JAKMIP1: variants seen among roughly 807,000 people sequenced by gnomAD.
JAKMIP1 encodes janus kinase and microtubule-interacting protein 1.
JAKMIP1 carries 33 observed loss-of-function variants against 113.0 expected under a neutral mutation model. The observed-to-expected ratio is 0.29, with a 90% confidence interval of 0.22 to 0.39. The LOEUF (loss-of-function observed/expected upper bound fraction) is 0.39. Ranked by LOEUF, JAKMIP1 falls within the 10% of genes least tolerant of loss-of-function variation. The pLI is 1.00. For synonymous variants in JAKMIP1, 480 were observed against 459.9 expected (o/e 1.04, Z -0.56); for missense variants, 813 against 1,080.5 (o/e 0.75, Z 3.47).
rs2108766778 is a variant in JAKMIP1, at chr4:6,049,985, T to C, written c.1909-113A>G. On this transcript the variant is annotated intron_variant, in intron 14 of 20. Coordinates refer to ENST00000409021, the MANE Select transcript of JAKMIP1 (RefSeq NM_001099433.2). This position sits in a 1 kb window ranked among gnomAD's most constrained non-coding sequence, Gnocchi z 7.0. Reference sequence around the variant, plus strand: ...AGACACCGCGCTCTTTCTTTTCTTTTCTGGCCAAGTTTTGCGCCCAGCCGT... The same window carrying C: ...AGACACCGCGCTCTTTCTTTTCTTTCCTGGCCAAGTTTTGCGCCCAGCCGT... The C allele has an allele frequency of 1.4e-6, 1 of 739,818 alleles. No homozygotes were observed. The highest frequency in any genetic ancestry group is 2.3e-6 in the Non-Finnish European group (1 of 435,254). 45.8% of individuals were successfully genotyped at this position (739,818 alleles called of 1,614,324 possible).
chr4:6,036,081 C>T lies in JAKMIP1; in HGVS notation c.2202G>A (p.Leu734=), dbSNP rs368324286. ...YLKIQDLEAT[L]YTALQQEPGR... The stretch of plus-strand genomic sequence containing the variant: ...CCGGCTCCTGCTGCAGCGCTGTGTA[C>T]AGTGTGGCCTCCAGGTCTTGGATTT... The change falls in exon 19 of 21, where the codon CTG becomes CTA. Residue 734 remains leucine, a synonymous_variant. Transcript: ENST00000409021. 4 of 1,556,726 alleles carry T rather than the reference C, an allele frequency of 2.6e-6. No individual in the cohort carries two copies. The highest frequency in any genetic ancestry group is 1.9e-5 in the Admixed American group (1 of 51,600).
intron 1 of JAKMIP1, among the ~76,000 whole-genome samples, chr4:6,115,117 T>TA (rs545000820): frequency 1.3e-5 from 2 of 151,834 alleles, no homozygotes; most frequent in South Asian, 2.1e-4. Context: ...AAAGGTGAAA[T>TA]AAAAAAACAG....
intron 1 of JAKMIP1, among the ~76,000 whole-genome samples, chr4:6,170,340 C>CTA (rs1724316158): frequency 9.9e-6 from 1 of 101,378 alleles, no homozygotes; most frequent in African/African-American, 3.9e-5. Flanking sequence ...ACTCTCCCCA[C>CTA]CCTTCTCACC....
Position 6,042,524 on chromosome 4 carries a change from A to G in JAKMIP1, c.2029-297T>C, listed in dbSNP as rs1714464862. On this transcript the variant is annotated intron_variant, in intron 16 of 20. Coordinates refer to ENST00000409021, the MANE Select transcript of JAKMIP1 (RefSeq NM_001099433.2). This position sits in a 1 kb window ranked among gnomAD's most constrained non-coding sequence, Gnocchi z 5.2. ...CGGCTGCGAGTGTGTGCAGCAGAGGAAGTGGTGTGGTATAGCTGATGTCAA... is the reference window on the plus strand; with the variant it reads ...CGGCTGCGAGTGTGTGCAGCAGAGGGAGTGGTGTGGTATAGCTGATGTCAA... Among the ~76,000 whole-genome samples, 1 of 151,942 alleles carries G rather than the reference A, an allele frequency of 6.6e-6. No homozygotes were observed. The highest frequency in any genetic ancestry group is 6.6e-5 in the Admixed American group (1 of 15,266).
At chr4:6,125,868 G>A (rs150538997) in intron 1 of JAKMIP1, among the ~76,000 whole-genome samples, 20,592 of 23,046 alleles carry the variant, frequency 0.89, 9,709 homozygotes, top group East Asian at 0.95. Flanking sequence ...AGAAACTCGC[G>A]CCATACACTC....
intron 1 of JAKMIP1, among the ~76,000 whole-genome samples, chr4:6,190,299 CTCTA>C (rs1415967311): frequency 6.6e-6 from 1 of 152,176 alleles, no homozygotes; most frequent in Non-Finnish European, 1.5e-5. Context: ...ATTAACATAT[CTCTA>C]TCTAACATAG....
intron 1 of JAKMIP1, among the ~76,000 whole-genome samples, chr4:6,127,774 C>G (rs1717912807): frequency 6.6e-6 from 1 of 152,238 alleles, no homozygotes; most frequent in South Asian, 2.1e-4. Context: ...GACAGGAGGC[C>G]CCACTCGGGC....
chr4:6,045,440 T>C (rs1009163363), intron 16 of JAKMIP1, among the ~76,000 whole-genome samples: 2 of 152,202 alleles, frequency 1.3e-5, no homozygotes, highest in East Asian at 1.9e-4. Context: ...CGGATGCCTG[T>C]GTCCTGATGA....
At chr4:6,103,076 A>T (rs546132843) in intron 3 of JAKMIP1, among the ~76,000 whole-genome samples, 17 of 152,308 alleles carry the variant, frequency 1.1e-4, no homozygotes, top group African/African-American at 3.8e-4. Flanking sequence ...AATAGTCAAC[A>T]TCTTGTTTTG....
At position 6,084,967 on chromosome 4, in the gene JAKMIP1, T is replaced by TAAAAAAAAA. The variant is rs56874913; in HGVS notation, c.835-11_835-3dup. The TAAAAAAAAA allele has an allele frequency of 1.7e-4, 66 of 377,942 alleles. No homozygotes were observed. The highest frequency in any genetic ancestry group is 6.8e-4 in the South Asian group (7 of 10,324). 23.4% of individuals were successfully genotyped at this position (377,942 alleles called of 1,614,324 possible). The stretch of plus-strand genomic sequence containing the variant: ...ATCTCGCTCGTCCATATGTTGATCC[T>TAAAAAAAAA]AAAAAAAAAAAAAAAAAAAAAAAAA... On this transcript the variant is annotated splice_region_variant and splice_polypyrimidine_tract_variant and intron_variant, in intron 4 of 20. Coordinates refer to ENST00000409021, the MANE Select transcript of JAKMIP1 (RefSeq NM_001099433.2).
intron 3 of JAKMIP1, among the ~76,000 whole-genome samples, chr4:6,104,883 T>C (rs548604223): frequency 6.6e-6 from 1 of 152,212 alleles, no homozygotes; most frequent in Non-Finnish European, 1.5e-5. Context: ...CACTCTGAGA[T>C]GGCAGAAAAG....
rs1205152748 is a variant in JAKMIP1, at chr4:6,076,774, A to T, written c.1302+2165T>A. ...TCTTGGGGATGGGACCCAAGTCTAA[A>T]CATGAAATTCATTTGTTTCATATAC... On this transcript the variant is annotated intron_variant, in intron 8 of 20. Transcript: ENST00000409021. This position sits in a 1 kb window ranked among gnomAD's most constrained non-coding sequence, Gnocchi z 4.8. Among the ~76,000 whole-genome samples, 2 of 152,226 alleles carry T rather than the reference A, an allele frequency of 1.3e-5. No homozygotes were observed. The highest frequency in any genetic ancestry group is 1.5e-5 in the Non-Finnish European group (1 of 68,046).
rs563463234 is a variant in JAKMIP1, at chr4:6,050,367, G to A, written c.1908+211C>T. Among the ~76,000 whole-genome samples the A allele has an allele frequency of 1.3e-4, 20 of 152,354 alleles. No individual in the cohort carries two copies. The highest frequency in any genetic ancestry group is 1.6e-4 in the Non-Finnish European group (11 of 68,034). ...GGTGGAACTGGGGTTCACACTCAGG[G>A]CTATACACCAAGCCTCTGCTGTTTT... On this transcript the variant is annotated intron_variant, in intron 14 of 20. Coordinates refer to ENST00000409021, the MANE Select transcript of JAKMIP1 (RefSeq NM_001099433.2). The surrounding 1 kb of genome is among the most constrained non-coding windows in gnomAD (Gnocchi z 7.4).
chr4:6,142,763 T>C lies in JAKMIP1; in HGVS notation c.-147-29766A>G, dbSNP rs771433076. 3.8e-4 allele frequency among the ~76,000 whole-genome samples: 58 copies of C among 152,166 alleles called. No homozygotes were observed. The highest frequency in any genetic ancestry group is 7.6e-4 in the Non-Finnish European group (52 of 68,036). On this transcript the variant is annotated intron_variant, in intron 1 of 20. Transcript: ENST00000409021. This position sits in a 1 kb window ranked among gnomAD's most constrained non-coding sequence, Gnocchi z 5.5. ...CTGGCCGCAGGCAGAGATCAGTTCA[T>C]GAAGGCAGAGCTGGTTATGTGGCAG...
At position 6,157,663 on chromosome 4, in the gene JAKMIP1, T is replaced by C. The variant is rs1722415356; in HGVS notation, c.-148+42590A>G. Among the ~76,000 whole-genome samples, 1 of 152,152 alleles carries C rather than the reference T, an allele frequency of 6.6e-6. No homozygotes were observed. The highest frequency in any genetic ancestry group is 2.1e-4 in the South Asian group (1 of 4,832). On this transcript the variant is annotated intron_variant, in intron 1 of 20. Transcript: ENST00000409021. The surrounding 1 kb of genome is among the most constrained non-coding windows in gnomAD (Gnocchi z 4.7). ...ATCTTCCCCAGCGTAGCCCTGGACA[T>C]GCTACCTAACCCCTGCTTTCTCCTG...
At chr4:6,130,109 A>C (rs1193397108) in intron 1 of JAKMIP1, among the ~76,000 whole-genome samples, 1 of 152,250 alleles carries the variant, frequency 6.6e-6, no homozygotes, top group Non-Finnish European at 1.5e-5. Context: ...ACTTCCAGTT[A>C]GGGCAATACT....
chr4:6,111,626 A>T (rs1714946952), intron 2 of JAKMIP1, among the ~76,000 whole-genome samples: 1 of 152,230 alleles, frequency 6.6e-6, no homozygotes, highest in African/African-American at 2.4e-5. Flanking sequence ...GGCCAAGATC[A>T]TGAGACCAGT....
chr4:6,184,748 T>C lies in JAKMIP1; in HGVS notation c.-148+15505A>G, dbSNP rs147864409. Among the ~76,000 whole-genome samples the C allele has an allele frequency of 0.015, 2,272 of 152,290 alleles. 19 individuals are homozygous for C. Among genetic ancestry groups the C allele is most frequent in the African/African-American group, 0.024 (998 of 41,556 alleles). ...AGGATAAGTGGAGTGATGGTTAATATTGAGTGTCAACTCGATTGGACAGAA... is the reference window on the plus strand; with the variant it reads ...AGGATAAGTGGAGTGATGGTTAATACTGAGTGTCAACTCGATTGGACAGAA... On this transcript the variant is annotated intron_variant, in intron 1 of 20. Transcript: ENST00000409021. The surrounding 1 kb of genome is among the most constrained non-coding windows in gnomAD (Gnocchi z 4.5).
chr4:6,110,238 T>C (rs555373966), intron 2 of JAKMIP1, among the ~76,000 whole-genome samples: 1 of 152,114 alleles, frequency 6.6e-6, no homozygotes, highest in Non-Finnish European at 1.5e-5. Flanking sequence ...CCTGGTGTCT[T>C]TGTAAGAACA....
Sources: allele counts gnomAD v4.1 joint callset (sites outside exome capture counted in the v4.1 genomes callset), GRCh38; gene constraint gnomAD v4.1.1; non-coding constraint Gnocchi (gnomAD v3.1); transcripts MANE v1.5; gene names NCBI Gene and HGNC (gene_info 2026-07-23, HGNC 2026-07-21).